Variants in NDUFAF8 observed in about 807,000 individuals in gnomAD.
NDUFAF8 encodes NADH:ubiquinone oxidoreductase complex assembly factor 8, also known as NADH dehydrogenase [ubiquinone] 1 alpha subcomplex assembly factor 8.
NDUFAF8 carries 9 observed loss-of-function variants against 9.9 expected under a neutral mutation model. The observed-to-expected ratio is 0.91, with a 90% CI of 0.55 to 1.59. The LOEUF is 1.59. Among genes scored for constraint, NDUFAF8 ranks in the 40% most tolerant of loss-of-function variants. NDUFAF8 has a pLI of 0.00. For missense variants in NDUFAF8, 114 were observed against 113.8 expected (o/e 1.00, Z -0.01); for synonymous variants, 63 against 51.2 (o/e 1.23, Z -0.98).
At position 81,241,234 on chromosome 17, in the gene NDUFAF8, G is replaced by A; in HGVS notation, c.*218G>A. ...GCATTGTGTCCGTAAACCTGAGTTA[G>A]AATAAGATGTAACGGAAGCCACGAT... On this transcript the variant is annotated 3_prime_UTR_variant, in exon 3 of 3. Transcript: ENST00000431388. 7.5e-7 allele frequency: 1 copy of A among 1,325,280 alleles called. No individual in the cohort carries two copies. The highest frequency in any genetic ancestry group is 9.8e-7 in the Non-Finnish European group (1 of 1,025,188). The allele number at this position is 1,325,280 out of a possible 1,614,324, so 82.1% of individuals were successfully genotyped here.
rs546131391 is a variant in NDUFAF8 at position 81,239,748 on chromosome 17, C to T, written c.195+70C>T. On this transcript the variant is annotated intron_variant, in intron 2 of 2. Transcript: ENST00000431388. ...CCAAGAGCCAGCGGGCCCCGGCTTT[C>T]CTTTGCTTTCCCGTTGGTTCAAGGT... 14 of 1,451,206 alleles carry T rather than the reference C, an allele frequency of 9.6e-6. No individual in the cohort carries two copies. The Admixed American group carries it at 2.7e-4, about 28-fold the overall frequency. The allele number at this position is 1,451,206 out of a possible 1,614,324, so 89.9% of individuals were successfully genotyped here. A position where few individuals can be genotyped will look rare whatever the true frequency, so the allele number is the denominator to read the frequency against.
rs57916384 is a variant in NDUFAF8 at position 81,240,507 on chromosome 17, C to CA, written c.196-471dup. On this transcript the variant is annotated intron_variant, in intron 2 of 2. Coordinates refer to ENST00000431388, the MANE Select transcript of NDUFAF8 (RefSeq NM_001086521.2). ...GCAACATATGGAGACCCCGTCTCTA[C>CA]AAAAAAAAAGAAAAAAAAAATTAGC... 275 of 147,176 alleles carry CA rather than the reference C, an allele frequency of 1.9e-3. 1 individual carries two copies. Among genetic ancestry groups the CA allele is most frequent in the Non-Finnish European group, 2.5e-3 (171 of 67,542 alleles). 9.1% of individuals were successfully genotyped at this position (147,176 alleles called of 1,614,324 possible).
chr17:81,241,024 T>C lies in NDUFAF8; in HGVS notation c.*8T>C, dbSNP rs1567916279. On this transcript the variant is annotated 3_prime_UTR_variant, in exon 3 of 3. Transcript: ENST00000431388. ...CTGGAGGGAGGCTGTTAGGAGGGAC[T>C]CTGAGCTTCACACCTGTCTGCTGCC... 1.2e-6 allele frequency: 2 copies of C among 1,613,080 alleles called. No homozygotes were observed. Among genetic ancestry groups the C allele is most frequent in the East Asian group, 4.5e-5 (2 of 44,882 alleles).
At chr17:81,240,869 C>G (rs1297684436) in intron 2 of NDUFAF8, 118 bp from the exon 3 acceptor site, 4 of 1,330,814 alleles carry the variant, frequency 3.0e-6, no homozygotes, top group African/African-American at 1.5e-5. Context: ...CACCATATGC[C>G]AGCACCCAAG....
At chr17:81,239,490 C>A in intron 1 of NDUFAF8, 43 bp downstream of exon 1, 1 of 1,420,256 alleles carries the variant, frequency 7.0e-7, no homozygotes, top group Non-Finnish European at 9.2e-7. Flanking sequence ...GCAGGAGGAG[C>A]CGCGCGGGGA....
At chr17:81,240,938 G>GT (rs1339060727) in intron 2 of NDUFAF8, 49 bp from the exon 3 acceptor site, 1 of 1,601,398 alleles carries the variant, frequency 6.2e-7, no homozygotes, top group Non-Finnish European at 8.5e-7. Context: ...CTTTTGAGGC[G>GT]TATCTAACTT....
chr17:81,241,006 G>C lies in NDUFAF8; in HGVS notation c.215G>C (p.Gly72Ala), dbSNP rs1348524699. 2 of 1,613,326 alleles carry C rather than the reference G, an allele frequency of 1.2e-6. No homozygotes were observed. Among genetic ancestry groups the C allele is most frequent in the South Asian group, 2.2e-5 (2 of 90,956 alleles). Residue 72 changes from glycine (G) to alanine (A), a missense_variant, in exon 3 of 3, where the codon GGA becomes GCA. By Grantham distance (60) the Gly-to-Ala change is moderately conservative (BLOSUM62 0). Transcript: ENST00000431388. ...FAAAAKKTLE[G>A]GC is the part of the protein sequence containing the mutation. ...TTGCAGGCCAAGAAGACGCTGGAGG[G>C]AGGCTGTTAGGAGGGACTCTGAGCT...
intron 2 of NDUFAF8, 26 bp downstream of exon 2, chr17:81,239,704 C>T (rs60236609): frequency 5.9e-6 from 9 of 1,523,806 alleles, no homozygotes; most frequent in Non-Finnish European, 7.9e-6. Context: ...CCCCTTCCCC[C>T]CTTCCCAGCC....
At position 81,239,427 on chromosome 17, in the gene NDUFAF8, C is replaced by T; in HGVS notation, c.64C>T (p.Leu22=). ...CCGCCTCCGCGCCTTCCCCGAGCGG[C>T]TGGCCGCCTGCGGGGCCGAGGTGAG... is the stretch of plus-strand genomic sequence containing the variant. ...RSRLRAFPER[L]AACGAEAAAY... is the part of the protein sequence containing the mutation. Residue 22 remains leucine, a synonymous_variant, in exon 1 of 3, where the codon CTG becomes TTG. Coordinates refer to ENST00000431388, the MANE Select transcript of NDUFAF8 (RefSeq NM_001086521.2). 7.3e-7 allele frequency: 1 copy of T among 1,361,560 alleles called. No individual in the cohort carries two copies. The highest frequency in any genetic ancestry group is 9.5e-7 in the Non-Finnish European group (1 of 1,057,284). The allele number at this position is 1,361,560 out of a possible 1,614,324, so 84.3% of individuals were successfully genotyped here.
At chr17:81,239,880 G>C in intron 2 of NDUFAF8, 1 of 633,480 alleles carries the variant, frequency 1.6e-6, no homozygotes, top group Non-Finnish European at 2.7e-6. Context: ...TGTTTGTAAA[G>C]CGGGACTGGC....
chr17:81,239,722 T>TC, intron 2 of NDUFAF8, 44 bp downstream of exon 2: 1 of 1,508,282 alleles, frequency 6.6e-7, no homozygotes, highest in South Asian at 1.2e-5. Flanking sequence ...GCCCTTCCCC[T>TC]CCAAGAGCCA....
chr17:81,239,789 G>A (rs1196399917), intron 2 of NDUFAF8, 111 bp downstream of exon 2: 2 of 1,187,422 alleles, frequency 1.7e-6, no homozygotes, highest in Non-Finnish European at 2.3e-6. Context: ...CGCCTGCCGC[G>A]TGCTTTAGAC....
intron 2 of NDUFAF8, chr17:81,240,113 C>A: frequency 4.5e-6 from 1 of 222,220 alleles, no homozygotes; most frequent in South Asian, 4.8e-5. Context: ...CGGGGAACCC[C>A]CAGCCACCCT....
intron 2 of NDUFAF8, 26 bp downstream of exon 2, chr17:81,239,704 C>CCTTCCCAGCCCTTCCCCT (rs2062794280): frequency 6.6e-7 from 1 of 1,523,918 alleles, no homozygotes; most frequent in Non-Finnish European, 8.8e-7. Flanking sequence ...CCCCTTCCCC[C>CCTTCCCAGCCCTTCCCCT]CTTCCCAGCC....
intron 2 of NDUFAF8, chr17:81,239,981 A>G: frequency 2.2e-6 from 1 of 453,218 alleles, no homozygotes; most frequent in South Asian, 2.2e-5. Context: ...GGGGGGTGTC[A>G]TGCCAGGATT....
Position 81,241,181 on chromosome 17 carries a change from C to G in NDUFAF8, c.*165C>G, listed in dbSNP as rs751467210. On this transcript the variant is annotated 3_prime_UTR_variant, in exon 3 of 3. Coordinates refer to ENST00000431388, the MANE Select transcript of NDUFAF8 (RefSeq NM_001086521.2). ...CCTGTTTTTTCTTAACAAGTTGAGG[C>G]GTGGGTAGAGCAGGAATTGGTTTTC... is the stretch of plus-strand genomic sequence containing the variant. 7.2e-7 allele frequency: 1 copy of G among 1,393,010 alleles called. No individual in the cohort carries two copies. Among genetic ancestry groups the G allele is most frequent in the Non-Finnish European group, 9.4e-7 (1 of 1,069,376 alleles). 86.3% of individuals were successfully genotyped at this position (1,393,010 alleles called of 1,614,324 possible).
rs150309904 is a variant in NDUFAF8 at position 81,240,823 on chromosome 17, G to A, written c.196-164G>A. 5.2e-3 allele frequency among the ~76,000 whole-genome samples: 785 copies of A among 152,284 alleles called. 10 individuals carry two copies. The highest frequency in any genetic ancestry group is 0.018 in the African/African-American group (742 of 41,548). On this transcript the variant is annotated intron_variant, in intron 2 of 2. Coordinates refer to ENST00000431388, the MANE Select transcript of NDUFAF8 (RefSeq NM_001086521.2). ...CGTGGACAAGTGACCCAGAGAACCT[G>A]CCCATGGGGCCCCAGGCTCCAACCA...
Position 81,239,521 on chromosome 17 carries a change from G to A in NDUFAF8, c.85-47G>A, listed in dbSNP as rs2062790356. The A allele has an allele frequency of 2.7e-6, 4 of 1,462,686 alleles. No individual in the cohort carries two copies. In the South Asian group the frequency reaches 5.3e-5, roughly 19 times the overall value. The allele number at this position is 1,462,686 out of a possible 1,614,324, so 90.6% of individuals were successfully genotyped here. A position where few individuals can be genotyped will look rare whatever the true frequency, so the allele number is the denominator to read the frequency against. On this transcript the variant is annotated intron_variant, in intron 1 of 2. Coordinates refer to ENST00000431388, the MANE Select transcript of NDUFAF8 (RefSeq NM_001086521.2). ...GGGGAGGTGGCTGGGAGGGAGGACG[G>A]TGACGGGGTCAGGGGACCCCACGAC...
At chr17:81,239,832 G>C (rs1473317408) in intron 2 of NDUFAF8, 154 bp downstream of exon 2, 1 of 858,074 alleles carries the variant, frequency 1.2e-6, no homozygotes, top group African/African-American at 1.7e-5. Context: ...CCATCGACGA[G>C]CCCGCGAAAC....
Sources: gnomAD v4.1 joint callset for allele counts (sites outside exome capture counted in the v4.1 genomes callset) on GRCh38, gnomAD v4.1.1 for gene constraint, MANE v1.5 for transcripts, NCBI Gene and HGNC (gene_info 2026-07-23, HGNC 2026-07-21) for gene names.